CELF6: variants seen among roughly 807,000 people sequenced by gnomAD.
The protein encoded by CELF6 is CUGBP Elav-like family member 6.
Under a neutral mutation model 53.1 loss-of-function variants are expected in CELF6, and 32 were observed. The ratio of observed to expected loss-of-function variants is 0.60; its 90% CI spans 0.46 to 0.81. The LOEUF is 0.81. CELF6 is among the 30% of genes least tolerant of loss of function. The pLI, the probability that CELF6 is intolerant of heterozygous loss-of-function variation, is 0.00. For missense variants in CELF6, 539 were observed against 669.5 expected, an observed-to-expected ratio of 0.81 and a Z score of 2.15; for synonymous variants, 291 against 288.8, an observed-to-expected ratio of 1.01 and a Z score of -0.08.
chr15:72,311,892 T>C lies in CELF6; in HGVS notation c.345+3953A>G, dbSNP rs150615719. 5.1e-4 allele frequency among the ~76,000 whole-genome samples: 77 copies of C among 152,354 alleles called. 1 individual carries two copies. Among genetic ancestry groups the C allele is most frequent in the Middle Eastern group, 3.4e-3 (1 of 294 alleles). On this transcript the variant is annotated intron_variant, in intron 2 of 12. Transcript: ENST00000287202. ...GAAATAATGTGCATGACTTAGTCAA[T>C]AGAGCATGGCTGGATTTTTGCCCCC... is the stretch of plus-strand genomic sequence containing the variant.
rs1181798062 is a variant in CELF6, at chr15:72,289,733, G to C, written c.641C>G (p.Thr214Ser). 6.8e-7 allele frequency: 1 copy of C among 1,471,332 alleles called. No homozygotes were observed. Among genetic ancestry groups the C allele is most frequent in the Admixed American group, 2.5e-5 (1 of 39,760 alleles). 91.1% of individuals were successfully genotyped at this position (1,471,332 alleles called of 1,614,324 possible). Residue 214 changes from threonine to serine, a missense_variant, in exon 6 of 13, where the codon ACC becomes AGC. Thr to Ser is a moderately conservative substitution (Grantham distance 58, BLOSUM62 1). This residue lies in a region of CELF6 where 358 missense variants were observed against 412.8 expected (regional missense o/e 0.87). Coordinates refer to ENST00000287202, the MANE Select transcript of CELF6 (RefSeq NM_052840.5). The surrounding 1 kb of genome is among the most constrained non-coding windows in gnomAD (Gnocchi z 7.6). ...SSSLVVKLAD[T>S]DRERALRRMQ... ...CCGCCGCAGCGCGCGCTCCCGGTCG[G>C]TGTCCGCCAGCTTGACCACGAGGCT...
intron 3 of CELF6, chr15:72,292,056 A>G: frequency 1.6e-6 from 1 of 612,944 alleles, no homozygotes; most frequent in Non-Finnish European, 2.8e-6. Flanking sequence ...TAACATAAAT[A>G]TTAGGATGAA....
chr15:72,314,602 T>TTTTTTTTTGTG (rs1555470418), intron 2 of CELF6, among the ~76,000 whole-genome samples: 1,950 of 144,968 alleles, frequency 0.013, 59 homozygotes, highest in African/African-American at 0.036. Context: ...TTTTTTTTTT[T>TTTTTTTTTGTG]TTTTTTTTTT....
intron 2 of CELF6, among the ~76,000 whole-genome samples, chr15:72,311,693 C>T (rs1413497967): frequency 1.3e-5 from 2 of 152,198 alleles, no homozygotes; most frequent in East Asian, 1.9e-4. Flanking sequence ...TGAGCCACTG[C>T]ACCCGGCCAA....
At chr15:72,317,376 T>C (rs892270510) in intron 1 of CELF6, among the ~76,000 whole-genome samples, 2 of 152,164 alleles carry the variant, frequency 1.3e-5, no homozygotes, top group African/African-American at 2.4e-5. Flanking sequence ...ATGGGAACAT[T>C]TTTTTCTGGC....
At position 72,298,483 on chromosome 15, in the gene CELF6, A is replaced by G. The variant is rs543124289; in HGVS notation, c.394+6263T>C. ...GAATGTTTTAAGTTTGAACGTTAAA[A>G]GAAAATAACTGAAGTGGAAAGAGTG... is the stretch of plus-strand genomic sequence containing the variant. On this transcript the variant is annotated intron_variant, in intron 3 of 12. Coordinates refer to ENST00000287202, the MANE Select transcript of CELF6 (RefSeq NM_052840.5). Among the ~76,000 whole-genome samples, 3 of 152,372 alleles carry G rather than the reference A, an allele frequency of 2.0e-5. No homozygotes were observed. The South Asian group carries it at 6.2e-4, about 32-fold the overall frequency.
chr15:72,318,264 C>T (rs1441939220), intron 1 of CELF6, among the ~76,000 whole-genome samples: 1 of 152,180 alleles, frequency 6.6e-6, no homozygotes, highest in Non-Finnish European at 1.5e-5. Flanking sequence ...ATGGTCCTAG[C>T]TCTTCTATTG....
In CELF6 at chr15:72,314,602, T is replaced by TTTTTTTTTTGTG. The variant is rs1555470422; in HGVS notation, c.345+1242_345+1243insCACAAAAAAAAA. Among the ~76,000 whole-genome samples the TTTTTTTTTTGTG allele has an allele frequency of 4.1e-4, 60 of 145,016 alleles. 2 individuals carry two copies. Among genetic ancestry groups the TTTTTTTTTTGTG allele is most frequent in the African/African-American group, 1.3e-3 (49 of 37,054 alleles). ...TCAAAACCCAGTGTTTTTTTTTTTT[T>TTTTTTTTTTGTG]TTTTTTTTTTGAGACTGAGTCTCAC... On this transcript the variant is annotated intron_variant, in intron 2 of 12. Coordinates refer to ENST00000287202, the MANE Select transcript of CELF6 (RefSeq NM_052840.5).
chr15:72,316,091 T>G (rs2088360365), intron 1 of CELF6, among the ~76,000 whole-genome samples, 164 bp from the exon 2 acceptor site: 1 of 152,210 alleles, frequency 6.6e-6, no homozygotes, highest in Admixed American at 6.5e-5. Context: ...AGGGGCTTCA[T>G]GTGCCTGGGG....
At chr15:72,290,083 G>A (rs2087985746) in intron 4 of CELF6, 44 bp downstream of exon 4, 2 of 1,613,206 alleles carry the variant, frequency 1.2e-6, no homozygotes, top group Non-Finnish European at 1.7e-6. Context: ...GTGGCCCAGA[G>A]TGAGGAAGGG....
rs1218695327 is a variant in CELF6, at chr15:72,286,164, G to C, written c.*207C>G. 6.6e-6 allele frequency: 1 copy of C among 152,624 alleles called. No individual in the cohort carries two copies. The highest frequency in any genetic ancestry group is 2.4e-5 in the African/African-American group (1 of 41,440). 9.5% of individuals were successfully genotyped at this position (152,624 alleles called of 1,614,324 possible). ...CTCACCAGCCCTATTTGCTCTGCCA[G>C]CCTGCGCTCTATGCTGCAGGCACAG... On this transcript the variant is annotated 3_prime_UTR_variant, in exon 13 of 13. Coordinates refer to ENST00000287202, the MANE Select transcript of CELF6 (RefSeq NM_052840.5).
At chr15:72,302,277 C>G (rs2088167958) in intron 3 of CELF6, among the ~76,000 whole-genome samples, 2 of 152,194 alleles carry the variant, frequency 1.3e-5, no homozygotes, top group Admixed American at 1.3e-4. Context: ...ATTGAGAGAT[C>G]TGGTCATCCA....
At position 72,319,595 on chromosome 15, in the gene CELF6, T is replaced by A. The variant is rs952558408; in HGVS notation, c.262+18A>T. On this transcript the variant is annotated intron_variant, in intron 1 of 12. Coordinates refer to ENST00000287202, the MANE Select transcript of CELF6 (RefSeq NM_052840.5). The surrounding 1 kb of genome is among the most constrained non-coding windows in gnomAD (Gnocchi z 5.0). ...TAATCGGATTGGGGCTGGGCTGGGCTGGGCTGACCCCGCGCACCTTTGTGG... is the reference window on the plus strand; with the variant it reads ...TAATCGGATTGGGGCTGGGCTGGGCAGGGCTGACCCCGCGCACCTTTGTGG... 4.3e-6 allele frequency: 6 copies of A among 1,386,402 alleles called. No individual in the cohort carries two copies. In the African/African-American group the frequency reaches 9.2e-5, roughly 21 times the overall value. The allele number at this position is 1,386,402 out of a possible 1,614,324, so 85.9% of individuals were successfully genotyped here. A position where few individuals can be genotyped will look rare whatever the true frequency, so the allele number is the denominator to read the frequency against.
At chr15:72,309,911 C>G (rs1595784769) in intron 2 of CELF6, among the ~76,000 whole-genome samples, 1 of 152,126 alleles carries the variant, frequency 6.6e-6, no homozygotes, top group Admixed American at 6.5e-5. Context: ...AGAGCCCAGC[C>G]CTGGAGGGGA....
At position 72,289,088 on chromosome 15, in the gene CELF6, C is replaced by T. The variant is rs764662948; in HGVS notation, c.1030+50G>A. On this transcript the variant is annotated intron_variant, in intron 8 of 12. Coordinates refer to ENST00000287202, the MANE Select transcript of CELF6 (RefSeq NM_052840.5). The surrounding 1 kb of genome is among the most constrained non-coding windows in gnomAD (Gnocchi z 7.6). ...GAAGCCAGGCCCTAACCCCCCACCC[C>T]CCGCTCCCCACTCCATTTCGGGGGG... 5 of 1,422,506 alleles carry T rather than the reference C, an allele frequency of 3.5e-6. No individual in the cohort carries two copies. Among genetic ancestry groups the T allele is most frequent in the Non-Finnish European group, 4.7e-6 (5 of 1,067,204 alleles). The allele number at this position is 1,422,506 out of a possible 1,614,324, so 88.1% of individuals were successfully genotyped here. A position where few individuals can be genotyped will look rare whatever the true frequency, so the allele number is the denominator to read the frequency against.
intron 1 of CELF6, among the ~76,000 whole-genome samples, chr15:72,318,937 G>A (rs889491175): frequency 6.6e-6 from 1 of 152,206 alleles, no homozygotes; most frequent in African/African-American, 2.4e-5. Flanking sequence ...AAGAGGTAGA[G>A]TGCATTGGGA....
chr15:72,292,592 C>T (rs1267793385), intron 3 of CELF6, among the ~76,000 whole-genome samples: 1 of 152,252 alleles, frequency 6.6e-6, no homozygotes, highest in Non-Finnish European at 1.5e-5. Context: ...AGAGACATCA[C>T]AGGCTGAGAT....
In CELF6 at chr15:72,286,283, G is replaced by A. The variant is rs1167970396; in HGVS notation, c.*88C>T. On this transcript the variant is annotated 3_prime_UTR_variant, in exon 13 of 13. Coordinates refer to ENST00000287202, the MANE Select transcript of CELF6 (RefSeq NM_052840.5). ...CACCTCCGTCCGCAGCTGCTCCTTCGGGAAGGGCTGCTCAAGCGTTTCTGT... is the reference window on the plus strand; with the variant it reads ...CACCTCCGTCCGCAGCTGCTCCTTCAGGAAGGGCTGCTCAAGCGTTTCTGT... 2.6e-5 allele frequency: 4 copies of A among 152,752 alleles called. No homozygotes were observed. The highest frequency in any genetic ancestry group is 7.2e-5 in the African/African-American group (3 of 41,466). 9.5% of individuals were successfully genotyped at this position (152,752 alleles called of 1,614,324 possible).
chr15:72,319,639 T>A lies in CELF6; in HGVS notation c.236A>T (p.Lys79Met). 6.4e-7 allele frequency: 1 copy of A among 1,566,108 alleles called. No individual in the cohort carries two copies. ...TTTGTGGAGGCCGGTGAGCCGGTCCTTCAGCACCGTCAGCTCGTAGATGCG... is the reference window on the plus strand; with the variant it reads ...TTTGTGGAGGCCGGTGAGCCGGTCCATCAGCACCGTCAGCTCGTAGATGCG... The part of the protein sequence containing the change: ...FGRIYELTVL[K>M]DRLTGLHKGC... Residue 79 changes from lysine (K) to methionine (M), a missense_variant, in exon 1 of 13, where the codon AAG (lysine) becomes ATG (methionine). Physicochemically the swap from Lys to Met is moderately conservative, Grantham distance 95. Transcript: ENST00000287202. The surrounding 1 kb of genome is among the most constrained non-coding windows in gnomAD (Gnocchi z 5.0).
Sources: gnomAD v4.1 joint callset for allele counts (sites outside exome capture counted in the v4.1 genomes callset) on GRCh38, gnomAD v4.1.1 for gene constraint, gnomAD v4.1.1 regional missense constraint, Gnocchi (gnomAD v3.1) non-coding constraint, MANE v1.5 for transcripts, NCBI Gene and HGNC (gene_info 2026-07-23, HGNC 2026-07-21) for gene names.